KSR1: variants seen among roughly 807,000 people sequenced by gnomAD.
KSR1 encodes the protein kinase suppressor of ras 1.
Under a neutral mutation model 92.9 loss-of-function variants are expected in KSR1, and 35 were observed. That is an observed-to-expected ratio of 0.38 (90% CI 0.29 to 0.50). The LOEUF (loss-of-function observed/expected upper bound fraction) is 0.50, where lower values mean the gene tolerates loss of function less well. Ranked by LOEUF, KSR1 falls within the 20% of genes least tolerant of loss-of-function variation. The pLI is 0.94. For synonymous variants in KSR1, 467 were observed against 472.6 expected (o/e 0.99, Z 0.15); for missense variants, 972 against 1,158.5 (o/e 0.84, Z 2.34).
At chr17:27,604,933 C>T (rs2073698892) in intron 13 of KSR1, among the ~76,000 whole-genome samples, 1 of 152,224 alleles carries the variant, frequency 6.6e-6, no homozygotes, top group Non-Finnish European at 1.5e-5. Context: ...TCCCCACACT[C>T]CCCAGGTGAT....
intron 1 of KSR1, among the ~76,000 whole-genome samples, chr17:27,498,337 CAA>C (rs761230745): frequency 1.5e-4 from 8 of 52,264 alleles, no homozygotes; most frequent in African/African-American, 1.8e-4. Flanking sequence ...GACTCAGTCT[CAA>C]AAAAAAAAAA....
chr17:27,582,500 A>G (rs934124498), intron 3 of KSR1, 146 bp from the exon 4 acceptor site: 23 of 704,944 alleles, frequency 3.3e-5, no homozygotes, highest in Admixed American at 1.5e-4. Context: ...GGCCTTTATA[A>G]ACCAGGTAAA....
At chr17:27,538,182 T>C (rs1261002823) in intron 1 of KSR1, among the ~76,000 whole-genome samples, 2 of 152,228 alleles carry the variant, frequency 1.3e-5, no homozygotes, top group Admixed American at 6.5e-5. Flanking sequence ...TTTGGAATAC[T>C]GCGGACTTAA....
intron 19 of KSR1, among the ~76,000 whole-genome samples, chr17:27,620,037 A>G (rs2074180958): frequency 1.3e-5 from 2 of 152,342 alleles, no homozygotes; most frequent in Admixed American, 1.3e-4. Flanking sequence ...GTGGGCCCCA[A>G]GCTGCAGTTG....
intron 2 of KSR1, among the ~76,000 whole-genome samples, chr17:27,568,642 C>T (rs927714765): frequency 2.6e-5 from 4 of 152,216 alleles, no homozygotes; most frequent in African/African-American, 4.8e-5. Flanking sequence ...AGTGCCTTGA[C>T]CCCCAGGAGA....
chr17:27,564,736 A>G (rs1387851921), intron 2 of KSR1, among the ~76,000 whole-genome samples: 62 of 101,426 alleles, frequency 6.1e-4, no homozygotes, highest in African/African-American at 2.1e-3. Context: ...AAGATGGAAG[A>G]CCCCCCCCCC....
intron 1 of KSR1, among the ~76,000 whole-genome samples, chr17:27,469,908 G>A (rs1039084257): frequency 1.3e-5 from 2 of 151,828 alleles, no homozygotes; most frequent in African/African-American, 4.8e-5. Flanking sequence ...TTATATAGGC[G>A]CTTTATTTTT....
At chr17:27,621,162 G>C (rs1052264733) in intron 19 of KSR1, 31 bp from the exon 20 acceptor site, 2 of 398,470 alleles carry the variant, frequency 5.0e-6, no homozygotes, top group Non-Finnish European at 8.8e-6. Flanking sequence ...CTCTTCCCAC[G>C]CCTGGTGGAA....
intron 1 of KSR1, among the ~76,000 whole-genome samples, chr17:27,457,882 A>C (rs1204152850): frequency 1.3e-5 from 2 of 149,938 alleles, no homozygotes; most frequent in Admixed American, 6.6e-5. Context: ...GTTTTATTAG[A>C]TCCTCAATTT....
At chr17:27,470,500 A>G (rs532242408) in intron 1 of KSR1, among the ~76,000 whole-genome samples, 158 of 152,054 alleles carry the variant, frequency 1.0e-3, no homozygotes, top group African/African-American at 3.0e-3. Context: ...TCGGCCTCCC[A>G]AAGTGCTGGG....
intron 1 of KSR1, among the ~76,000 whole-genome samples, chr17:27,515,456 G>A (rs906438308): frequency 1.3e-5 from 2 of 152,136 alleles, no homozygotes; most frequent in Admixed American, 6.5e-5. Flanking sequence ...ACTGTAGTTT[G>A]AGAAGACACA....
At chr17:27,513,930 T>C in intron 1 of KSR1, among the ~76,000 whole-genome samples, 1 of 152,204 alleles carries the variant, frequency 6.6e-6, no homozygotes, top group Non-Finnish European at 1.5e-5. Flanking sequence ...GTGGGTTTGG[T>C]GCCCTTCCAG....
intron 1 of KSR1, among the ~76,000 whole-genome samples, chr17:27,478,596 C>T (rs755053982): frequency 1.3e-5 from 2 of 152,072 alleles, no homozygotes; most frequent in Non-Finnish European, 2.9e-5. Flanking sequence ...TCCTGTGCCC[C>T]CAGGTGTGGG....
At chr17:27,607,124 G>A (rs2073779636) in intron 14 of KSR1, among the ~76,000 whole-genome samples, 1 of 152,140 alleles carries the variant, frequency 6.6e-6, no homozygotes, top group Non-Finnish European at 1.5e-5. Flanking sequence ...GAGCCACTGT[G>A]GCCTGCCTGA....
At chr17:27,471,069 A>T (rs956465451) in intron 1 of KSR1, among the ~76,000 whole-genome samples, 1 of 152,038 alleles carries the variant, frequency 6.6e-6, no homozygotes, top group East Asian at 1.9e-4. Context: ...AGGTTTTGCC[A>T]TGTTGGCCAG....
At chr17:27,581,303 C>T (rs1248120696) in intron 3 of KSR1, among the ~76,000 whole-genome samples, 1 of 152,152 alleles carries the variant, frequency 6.6e-6, no homozygotes, top group Non-Finnish European at 1.5e-5. Context: ...CTCCCACCAG[C>T]CCCCACCTCC....
intron 20 of KSR1, chr17:27,622,070 T>A: frequency 1.2e-6 from 1 of 800,238 alleles, no homozygotes; most frequent in Non-Finnish European, 2.1e-6. Context: ...CAGTCGTCTC[T>A]CTCGAGGCTA....
At chr17:27,511,784 G>T (rs1012824409) in intron 1 of KSR1, among the ~76,000 whole-genome samples, 3 of 152,218 alleles carry the variant, frequency 2.0e-5, no homozygotes, top group African/African-American at 7.2e-5. Flanking sequence ...TCTGCATCCC[G>T]TCTCACCGGC....
chr17:27,469,471 G>T (rs73983437), intron 1 of KSR1, among the ~76,000 whole-genome samples: 1 of 152,086 alleles, frequency 6.6e-6, no homozygotes. Flanking sequence ...CATTGAGGGC[G>T]CCAGGATGTG....
Sources: gnomAD v4.1 joint callset for allele counts (sites outside exome capture counted in the v4.1 genomes callset) on GRCh38, gnomAD v4.1.1 for gene constraint, MANE v1.5 for transcripts, NCBI Gene and HGNC (gene_info 2026-07-23, HGNC 2026-07-21) for gene names.